Variants in SGCD observed in about 807,000 individuals in gnomAD.
SGCD encodes sarcoglycan delta.
Under a neutral mutation model 36.6 loss-of-function variants are expected in SGCD, and 18 were observed. The observed-to-expected ratio is 0.49, with a 90% CI of 0.34 to 0.73. The LOEUF (loss-of-function observed/expected upper bound fraction) is 0.73. SGCD is among the 30% of genes least tolerant of loss of function. SGCD has a pLI of 0.01. For missense variants in SGCD, 387 were observed against 346.7 expected (o/e 1.12, Z -0.92); for synonymous variants, 133 against 130.6 (o/e 1.02, Z -0.12).
intron 2 of SGCD, among the ~76,000 whole-genome samples, chr5:156,339,559 A>G (rs1768536042): frequency 6.6e-6 from 1 of 152,226 alleles, no homozygotes; most frequent in South Asian, 2.1e-4. Flanking sequence ...TTGCTAAAAA[A>G]TGCATTTGCT....
At chr5:156,253,853 G>GA (rs775262187) in intron 3 of SGCD, among the ~76,000 whole-genome samples, 1 of 152,190 alleles carries the variant, frequency 6.6e-6, no homozygotes, top group East Asian at 1.9e-4. Context: ...ACTTAAGGGA[G>GA]AAAATCAATG....
intron 1 of SGCD, among the ~76,000 whole-genome samples, chr5:156,069,253 T>A (rs951040612): frequency 2.0e-5 from 3 of 152,158 alleles, no homozygotes. Flanking sequence ...TTTTATGGTT[T>A]TAGGTCTAAA....
chr5:156,363,447 G>A (rs901402724), intron 3 of SGCD, among the ~76,000 whole-genome samples: 2 of 152,076 alleles, frequency 1.3e-5, no homozygotes, highest in Non-Finnish European at 2.9e-5. Context: ...TATGATTTTG[G>A]TATGCTCTCC....
rs187955871 is a variant in SGCD at position 156,127,679 on chromosome 5, G to A, written c.-44+3660G>A. Among the ~76,000 whole-genome samples the A allele has an allele frequency of 1.5e-4, 23 of 151,398 alleles. No individual in the cohort carries two copies. The East Asian group carries it at 4.3e-3, about 28-fold the overall frequency. ...TCTGAAATAGGAACACATATATATAGTCAACTGACTTTTAACAAGAGCACC... is the reference window on the plus strand; with the variant it reads ...TCTGAAATAGGAACACATATATATAATCAACTGACTTTTAACAAGAGCACC... On this transcript the variant is annotated intron_variant, in intron 3 of 9. Transcript: ENST00000517913.
chr5:156,293,619 A>C (rs944739519), intron 3 of SGCD, among the ~76,000 whole-genome samples: 3 of 152,160 alleles, frequency 2.0e-5, no homozygotes, highest in Admixed American at 6.6e-5. Flanking sequence ...GTCAAAAATC[A>C]TTTTACCATA....
chr5:155,984,238 A>G (rs1432996031), intron 1 of SGCD, among the ~76,000 whole-genome samples: 1 of 152,206 alleles, frequency 6.6e-6, no homozygotes, highest in African/African-American at 2.4e-5. Context: ...TCTTATTTGC[A>G]TTAAACTATC....
intron 1 of SGCD, among the ~76,000 whole-genome samples, chr5:156,003,072 T>C (rs1319929766): frequency 3.3e-5 from 5 of 152,198 alleles, no homozygotes; most frequent in Non-Finnish European, 5.9e-5. Context: ...AATGAAGCCA[T>C]CCCAAATCCC....
rs779394260 is a variant in SGCD at position 156,561,391 on chromosome 5, C to T, written c.295-27840C>T. Among the ~76,000 whole-genome samples the T allele has an allele frequency of 9.9e-5, 15 of 152,266 alleles. No individual in the cohort carries two copies. The South Asian group carries it at 1.2e-3, about 13-fold the overall frequency. On this transcript the variant is annotated intron_variant, in intron 4 of 8. Transcript: ENST00000337851. ...CATTGCCTGAATAAATTAAAAATAA[C>T]GAGTGGCTCTTCATTTGAAAGAATT...
chr5:155,778,540 C>T, the SGCD span, among the ~76,000 whole-genome samples: 5 of 152,076 alleles, frequency 3.3e-5, no homozygotes, highest in Admixed American at 1.3e-4. Context: ...TATAAATAAA[C>T]GTATTGTTAA....
Position 156,344,640 on chromosome 5 carries a change from T to C in SGCD, c.155T>C (p.Met52Thr), listed in dbSNP as rs2127716699. 1 of 1,610,736 alleles carries C rather than the reference T, an allele frequency of 6.2e-7. No homozygotes were observed. Among genetic ancestry groups the C allele is most frequent in the Non-Finnish European group, 8.5e-7 (1 of 1,178,432 alleles). ...ATTTTAATACTGGTGAACTTGGCCA[T>C]GACCATCTGGATTCTCAAAGTCATG... is the stretch of plus-strand genomic sequence containing the variant. The part of the protein sequence containing the change: ...LMILILVNLA[M>T]TIWILKVMNF... The change falls in exon 3 of 9, where the codon ATG becomes ACG. Residue 52 changes from methionine (M) to threonine (T), a missense_variant. Transcript: ENST00000337851.
chr5:155,819,260 T>C, the SGCD span, among the ~76,000 whole-genome samples: 1 of 152,338 alleles, frequency 6.6e-6, no homozygotes, highest in South Asian at 2.1e-4. Flanking sequence ...AAATTCCATC[T>C]TGAGGGAGTC....
At chr5:155,925,809 G>A (rs1439525378) in intron 1 of SGCD, among the ~76,000 whole-genome samples, 1 of 152,052 alleles carries the variant, frequency 6.6e-6, no homozygotes, top group East Asian at 1.9e-4. Flanking sequence ...TAGAGATGAG[G>A]TTTTGCCATG....
intron 6 of SGCD, among the ~76,000 whole-genome samples, chr5:156,597,488 C>T (rs1760974484): frequency 6.6e-6 from 1 of 152,196 alleles, no homozygotes; most frequent in Non-Finnish European, 1.5e-5. Context: ...ACCATCAGAT[C>T]TCATGAGACT....
At chr5:155,944,413 C>T (rs1757397408) in intron 1 of SGCD, among the ~76,000 whole-genome samples, 1 of 152,122 alleles carries the variant, frequency 6.6e-6, no homozygotes, top group Non-Finnish European at 1.5e-5. Flanking sequence ...TCTGTATACA[C>T]ACGTGTTTTT....
chr5:155,868,555 C>G (rs1755570165), upstream of SGCD, among the ~76,000 whole-genome samples: 1 of 151,708 alleles, frequency 6.6e-6, no homozygotes, highest in Non-Finnish European at 1.5e-5. Flanking sequence ...CATGTGAGGT[C>G]TCAGTAAGTA....
At position 155,942,388 on chromosome 5, in the gene SGCD, A is replaced by G. The variant is rs142565561; in HGVS notation, c.-282+71964A>G. Among the ~76,000 whole-genome samples, 570 of 138,356 alleles carry G rather than the reference A, an allele frequency of 4.1e-3. 4 individuals are homozygous for G. The highest frequency in any genetic ancestry group is 0.015 in the African/African-American group (551 of 37,954). 90.8% of individuals were successfully genotyped at this position (138,356 alleles called of 152,430 possible). On this transcript the variant is annotated intron_variant, in intron 1 of 9. Coordinates refer to the SGCD transcript ENST00000517913. ...TATTGTCTGCCTACCTACCTAATCA[A>G]TCACGTGGGCTAAAACCCTCAATCT...
At chr5:156,705,577 A>G (rs374292335) in intron 7 of SGCD, among the ~76,000 whole-genome samples, 78 of 152,284 alleles carry the variant, frequency 5.1e-4, no homozygotes, top group African/African-American at 1.8e-3. Flanking sequence ...ATACTATATC[A>G]TCTTAAATGT....
chr5:156,126,086 G>T (rs1762164965), intron 3 of SGCD, among the ~76,000 whole-genome samples: 1 of 151,878 alleles, frequency 6.6e-6, no homozygotes, highest in South Asian at 2.1e-4. Flanking sequence ...TTGCCATATT[G>T]TCCACGCTGG....
chr5:156,034,042 C>T (rs961466314), intron 1 of SGCD, among the ~76,000 whole-genome samples: 1 of 152,138 alleles, frequency 6.6e-6, no homozygotes, highest in Non-Finnish European at 1.5e-5. Context: ...CATCCACTGC[C>T]CAGAGGTATT....
Sources: allele counts gnomAD v4.1 joint callset (sites outside exome capture counted in the v4.1 genomes callset), GRCh38; gene constraint gnomAD v4.1.1; transcripts MANE v1.5; gene names NCBI Gene and HGNC (gene_info 2026-07-23, HGNC 2026-07-21).